TMEM63C: variants seen among roughly 807,000 people sequenced by gnomAD.
TMEM63C encodes osmosensitive cation channel TMEM63C.
TMEM63C carries 32 observed loss-of-function variants against 99.2 expected under a neutral mutation model. That is an observed-to-expected ratio of 0.32 (90% CI 0.24 to 0.43). TMEM63C has a LOEUF of 0.43. Ranked by LOEUF, TMEM63C falls within the 20% of genes least tolerant of loss-of-function variation. The probability of loss-of-function intolerance (pLI) is 1.00; values close to 1 mark genes in which losing one functional copy is unlikely to be tolerated. For missense variants in TMEM63C, 826 were observed against 1,053.0 expected (o/e 0.78, Z 2.98); for synonymous variants, 376 against 397.9 (o/e 0.94, Z 0.66).
chr14:77,236,538 G>T, intron 8 of TMEM63C, 86 bp from the exon 9 acceptor site: 1 of 937,792 alleles, frequency 1.1e-6, no homozygotes, highest in Non-Finnish European at 1.7e-6. Context: ...GGAGACTGAG[G>T]GTAGGAGGAG....
intron 6 of TMEM63C, 90 bp downstream of exon 6, chr14:77,225,551 G>C: frequency 1.4e-6 from 2 of 1,382,976 alleles, no homozygotes; most frequent in Non-Finnish European, 2.0e-6. Context: ...CCCCAGCCTG[G>C]GAAGACAGGG....
intron 15 of TMEM63C, among the ~76,000 whole-genome samples, chr14:77,243,529 G>A (rs1889217523): frequency 6.6e-6 from 1 of 152,128 alleles, no homozygotes; most frequent in Non-Finnish European, 1.5e-5. Context: ...AGAAGTGGGA[G>A]CTCAAGATCT....
At chr14:77,218,734 G>A (rs1303662604) in intron 2 of TMEM63C, 67 bp from the exon 3 acceptor site, 21 of 1,538,758 alleles carry the variant, frequency 1.4e-5, no homozygotes, top group South Asian at 4.8e-5. Flanking sequence ...ACTCCCCATC[G>A]GGCTTCTGTG....
intron 1 of TMEM63C, among the ~76,000 whole-genome samples, chr14:77,185,046 G>A (rs995163261): frequency 6.6e-6 from 1 of 152,174 alleles, no homozygotes; most frequent in Non-Finnish European, 1.5e-5. Flanking sequence ...GCGGGGAAGG[G>A]GCGCCTCATT....
At chr14:77,219,135 G>C (rs918428741) in intron 3 of TMEM63C, among the ~76,000 whole-genome samples, 172 bp downstream of exon 3, 1 of 152,220 alleles carries the variant, frequency 6.6e-6, no homozygotes, top group Non-Finnish European at 1.5e-5. Flanking sequence ...CCTCAAAGAG[G>C]CTGGAGGAAC....
chr14:77,248,743 G>A, intron 19 of TMEM63C, 24 bp from the exon 20 acceptor site: 1 of 1,609,436 alleles, frequency 6.2e-7, no homozygotes, highest in Non-Finnish European at 8.5e-7. Context: ...GCCACCTCAG[G>A]GTGACACCTG....
At chr14:77,211,385 A>T (rs565578048) in intron 1 of TMEM63C, among the ~76,000 whole-genome samples, 42 of 152,158 alleles carry the variant, frequency 2.8e-4, no homozygotes, top group Non-Finnish European at 5.6e-4. Flanking sequence ...TGGTTCTCAT[A>T]CCCTAGGGTA....
chr14:77,238,781 G>C lies in TMEM63C; in HGVS notation c.725+14G>C, dbSNP rs767862687. ...TAAGCATTTTCAGTAAGTGGGTTGG[G>C]GTAGGCCAAGGCGTGGATTGCTTCC... is the stretch of plus-strand genomic sequence containing the variant. On this transcript the variant is annotated intron_variant, in intron 10 of 23. Coordinates refer to ENST00000298351, the MANE Select transcript of TMEM63C (RefSeq NM_020431.4). 3.6e-5 allele frequency: 58 copies of C among 1,609,328 alleles called. No individual in the cohort carries two copies. In the South Asian group the frequency reaches 4.5e-4, roughly 13 times the overall value.
intron 8 of TMEM63C, among the ~76,000 whole-genome samples, chr14:77,234,490 G>A (rs1889001809): frequency 6.6e-6 from 1 of 152,162 alleles, no homozygotes; most frequent in Non-Finnish European, 1.5e-5. Context: ...ACAGCAAAAA[G>A]CCATCAATCT....
rs1287390396 is a variant in TMEM63C at position 77,190,111 on chromosome 14, AATTATG to A, written c.-77+8223_-77+8228del. Among the ~76,000 whole-genome samples the A allele has an allele frequency of 4.4e-3, 429 of 98,250 alleles. 3 individuals carry two copies. Among genetic ancestry groups the A allele is most frequent in the African/African-American group, 0.019 (409 of 21,364 alleles). 64.5% of individuals were successfully genotyped at this position (98,250 alleles called of 152,430 possible). A position where few individuals can be genotyped will look rare whatever the true frequency, so the allele number is the denominator to read the frequency against. On this transcript the variant is annotated intron_variant, in intron 1 of 23. Coordinates refer to ENST00000298351, the MANE Select transcript of TMEM63C (RefSeq NM_020431.4). The stretch of plus-strand genomic sequence containing the variant: ...ATAGTCACTGATACAGAGAAAATAG[AATTATG>A]ATTATTATTATTATTATTATTGGTA...
intron 8 of TMEM63C, among the ~76,000 whole-genome samples, chr14:77,234,575 G>A (rs1566627236): frequency 2.0e-5 from 3 of 152,228 alleles, no homozygotes; most frequent in African/African-American, 7.2e-5. Context: ...TGGAAACTGA[G>A]GGTGGAGCAG....
chr14:77,239,251 A>G (rs899647757), intron 10 of TMEM63C, among the ~76,000 whole-genome samples, 161 bp from the exon 11 acceptor site: 54 of 152,240 alleles, frequency 3.5e-4, no homozygotes, highest in Admixed American at 3.4e-3. Context: ...CCAAGGTTCA[A>G]ACCCTGAGGT....
chr14:77,201,392 G>GA (rs1397471634), intron 1 of TMEM63C, among the ~76,000 whole-genome samples: 1 of 152,236 alleles, frequency 6.6e-6, no homozygotes, highest in Non-Finnish European at 1.5e-5. Context: ...GGGAGAGACA[G>GA]TGAGACGGAA....
chr14:77,244,671 G>A (rs1284276626), intron 16 of TMEM63C, among the ~76,000 whole-genome samples: 1 of 152,240 alleles, frequency 6.6e-6, no homozygotes, highest in Non-Finnish European at 1.5e-5. Context: ...GGGTTGCTGA[G>A]ATAGAGCCAC....
intron 23 of TMEM63C, among the ~76,000 whole-genome samples, chr14:77,254,535 A>G (rs993904308): frequency 3.9e-5 from 6 of 152,190 alleles, no homozygotes; most frequent in African/African-American, 1.4e-4. Context: ...ATTGTTAGCA[A>G]TAAGTTTTTG....
chr14:77,184,389 G>A (rs1189743109), intron 1 of TMEM63C, among the ~76,000 whole-genome samples: 1 of 152,090 alleles, frequency 6.6e-6, no homozygotes, highest in Non-Finnish European at 1.5e-5. Context: ...TAGTGGCACC[G>A]TGGAGCTTCC....
chr14:77,226,548 G>A (rs2140115160), intron 6 of TMEM63C, among the ~76,000 whole-genome samples: 1 of 152,332 alleles, frequency 6.6e-6, no homozygotes, highest in Non-Finnish European at 1.5e-5. Flanking sequence ...AACTGGAAAA[G>A]TATAGTTTTG....
chr14:77,208,045 C>T (rs1325444189), intron 1 of TMEM63C, among the ~76,000 whole-genome samples: 1 of 152,158 alleles, frequency 6.6e-6, no homozygotes, highest in African/African-American at 2.4e-5. Context: ...GTCTTTTAAC[C>T]TCTCTGGGCC....
rs1169383480 is a variant in TMEM63C, at chr14:77,258,467, G to C, written c.*1741G>C. ...ATTTTGGCATGAGGGTGTCTTTCCA[G>C]AGAGCTTGGGTTGGCTGGAGAGAGG... On this transcript the variant is annotated 3_prime_UTR_variant, in exon 24 of 24. Coordinates refer to ENST00000298351, the MANE Select transcript of TMEM63C (RefSeq NM_020431.4). 1 of 152,488 alleles carries C rather than the reference G, an allele frequency of 6.6e-6. No homozygotes were observed. The highest frequency in any genetic ancestry group is 1.5e-5 in the Non-Finnish European group (1 of 68,224). 9.4% of individuals were successfully genotyped at this position (152,488 alleles called of 1,614,324 possible). A position where few individuals can be genotyped will look rare whatever the true frequency, so the allele number is the denominator to read the frequency against.
Sources: gnomAD v4.1 joint callset for allele counts (sites outside exome capture counted in the v4.1 genomes callset) on GRCh38, gnomAD v4.1.1 for gene constraint, MANE v1.5 for transcripts, NCBI Gene and HGNC (gene_info 2026-07-23, HGNC 2026-07-21) for gene names.